The following PTPRC variants were observed in gnomAD, a reference collection of about 807,000 sequenced individuals.
The protein encoded by PTPRC is receptor-type tyrosine-protein phosphatase C.
A neutral mutation model predicts 155.9 loss-of-function variants in PTPRC; 44 were observed. That is an observed-to-expected ratio of 0.28 (90% CI 0.22 to 0.36). The LOEUF (loss-of-function observed/expected upper bound fraction) is 0.36, where lower values mean the gene tolerates loss of function less well. Among genes scored for constraint, PTPRC ranks in the 10% least tolerant of loss-of-function variants. The pLI is 1.00. For synonymous variants in PTPRC, 525 were observed against 533.1 expected (o/e 0.98, Z 0.21); for missense variants, 1,401 against 1,564.6 (o/e 0.90, Z 1.76).
chr1:198,700,287 C>A (rs1053075545), intron 5 of PTPRC: 1 of 158,188 alleles, frequency 6.3e-6, no homozygotes, highest in African/African-American at 2.4e-5. Context: ...TCTTGGTGTC[C>A]TTTTATATGC....
intron 2 of PTPRC, among the ~76,000 whole-genome samples, chr1:198,642,370 G>GTCTGTCTATCTATCTATCTA (rs1553229129): frequency 2.0e-5 from 3 of 150,442 alleles, no homozygotes; most frequent in Non-Finnish European, 4.4e-5. Flanking sequence ...CTATCTATCT[G>GTCTGTCTATCTATCTATCTA]TCTATCTATC....
intron 2 of PTPRC, among the ~76,000 whole-genome samples, chr1:198,686,041 T>C (rs1022858248): frequency 3.3e-5 from 5 of 152,074 alleles, no homozygotes; most frequent in Non-Finnish European, 7.4e-5. Flanking sequence ...AATTGATTCC[T>C]AGTTTTTGCT....
intron 23 of PTPRC, 47 bp from the exon 24 acceptor site, chr1:198,741,822 T>C (rs1244974609): frequency 1.3e-6 from 2 of 1,569,774 alleles, no homozygotes; most frequent in Admixed American, 3.4e-5. Context: ...TGTTTCATAG[T>C]TTGCTTTAAA....
rs184325231 is a variant in PTPRC, at chr1:198,708,965, C to G, written c.1033+704C>G. On this transcript the variant is annotated intron_variant, in intron 10 of 32. Coordinates refer to ENST00000442510, the MANE Select transcript of PTPRC (RefSeq NM_002838.5). ...TACACACATAGAGGATGGAGCATTGCGCTGGGTGTAATCATCACCTAATCA... is the reference window on the plus strand; with the variant it reads ...TACACACATAGAGGATGGAGCATTGGGCTGGGTGTAATCATCACCTAATCA... Among the ~76,000 whole-genome samples the G allele has an allele frequency of 2.1e-3, 321 of 152,272 alleles. 1 individual carries two copies. The highest frequency in any genetic ancestry group is 0.017 in the Middle Eastern group (5 of 294).
intron 17 of PTPRC, 27 bp downstream of exon 17, chr1:198,729,198 C>T: frequency 6.3e-7 from 1 of 1,591,080 alleles, no homozygotes; most frequent in Non-Finnish European, 8.6e-7. Flanking sequence ...TTGCTGATGA[C>T]TATTCCTTCC....
chr1:198,750,438 C>T (rs1303558002), intron 28 of PTPRC, 54 bp from the exon 29 acceptor site: 1 of 1,552,838 alleles, frequency 6.4e-7, no homozygotes, highest in Non-Finnish European at 8.9e-7. Flanking sequence ...CTTTAAGAAT[C>T]TACTGAGCTC....
At chr1:198,703,409 C>T in intron 7 of PTPRC, 37 bp downstream of exon 7, 1 of 1,609,302 alleles carries the variant, frequency 6.2e-7, no homozygotes, top group African/African-American at 1.3e-5. Flanking sequence ...ACACCATCCC[C>T]ATGTGCCTGG....
rs148552110 is a variant in PTPRC, at chr1:198,650,003, T to C, written c.73+10662T>C. Among the ~76,000 whole-genome samples, 24 of 151,912 alleles carry C rather than the reference T, an allele frequency of 1.6e-4. No individual in the cohort carries two copies. The East Asian group carries it at 4.7e-3, about 30-fold the overall frequency. ...GAAGATCCTTATGAAGAAGAATCATTGAGCTACCTGTTGGCTGACAAGAAT... is the reference window on the plus strand; with the variant it reads ...GAAGATCCTTATGAAGAAGAATCATCGAGCTACCTGTTGGCTGACAAGAAT... On this transcript the variant is annotated intron_variant, in intron 2 of 32. Transcript: ENST00000442510.
At chr1:198,648,051 T>C (rs184908769) in intron 2 of PTPRC, among the ~76,000 whole-genome samples, 3 of 152,008 alleles carry the variant, frequency 2.0e-5, no homozygotes, top group African/African-American at 4.8e-5. Flanking sequence ...GTAAAACTTA[T>C]ATTCTTACAA....
intron 2 of PTPRC, among the ~76,000 whole-genome samples, chr1:198,673,542 G>A (rs765364439): frequency 6.6e-6 from 1 of 152,092 alleles, no homozygotes; most frequent in Non-Finnish European, 1.5e-5. Context: ...TCAAATAATG[G>A]TCATTTGAAA....
At chr1:198,753,763 G>T (rs1348513891) in intron 31 of PTPRC, among the ~76,000 whole-genome samples, 5 of 151,942 alleles carry the variant, frequency 3.3e-5, no homozygotes, top group African/African-American at 1.2e-4. Context: ...CCTCTTTTTA[G>T]TGAATAATTC....
At chr1:198,709,572 A>G (rs1029520387) in intron 10 of PTPRC, 115 bp from the exon 11 acceptor site, 31 of 919,370 alleles carry the variant, frequency 3.4e-5, no homozygotes, top group Non-Finnish European at 4.4e-5. Flanking sequence ...TAATTTCCAC[A>G]GATGTTTCAA....
chr1:198,753,470 G>C (rs571510331), intron 31 of PTPRC, among the ~76,000 whole-genome samples: 2 of 151,930 alleles, frequency 1.3e-5, no homozygotes, highest in South Asian at 2.1e-4. Context: ...AGTAAAATGA[G>C]AAATGTTTAT....
chr1:198,695,141 T>C (rs554587034), intron 3 of PTPRC: 1 of 892,602 alleles, frequency 1.1e-6, no homozygotes, highest in Non-Finnish European at 1.3e-6. Context: ...TTAGCTTTGA[T>C]ACTAATGAAT....
intron 2 of PTPRC, among the ~76,000 whole-genome samples, chr1:198,677,967 A>G (rs879587432): frequency 7.2e-5 from 11 of 152,090 alleles, no homozygotes; most frequent in Non-Finnish European, 1.2e-4. Flanking sequence ...GTACAGTTTT[A>G]CATTTTGTTC....
intron 15 of PTPRC, among the ~76,000 whole-genome samples, chr1:198,725,757 G>A (rs539099165): frequency 1.3e-5 from 2 of 152,078 alleles, no homozygotes; most frequent in South Asian, 4.2e-4. Context: ...ATAGACATTT[G>A]ACTTCCATGT....
At chr1:198,732,428 G>A (rs372859782) in intron 19 of PTPRC, 38 bp downstream of exon 19, 59 of 1,597,018 alleles carry the variant, frequency 3.7e-5, no homozygotes, top group Admixed American at 6.7e-5. Context: ...CATATATTAG[G>A]CTACTTGATT....
intron 28 of PTPRC, chr1:198,750,290 T>G: frequency 1.7e-6 from 1 of 596,944 alleles, no homozygotes; most frequent in Non-Finnish European, 2.9e-6. Flanking sequence ...TGATTTCACA[T>G]TATTAGCTAA....
intron 3 of PTPRC, chr1:198,694,441 C>G: frequency 9.4e-7 from 1 of 1,069,466 alleles, no homozygotes; most frequent in Non-Finnish European, 1.1e-6. Context: ...TCAATCCAAT[C>G]AAGTTGACAC....
Sources: gnomAD v4.1 joint callset for allele counts (sites outside exome capture counted in the v4.1 genomes callset) on GRCh38, gnomAD v4.1.1 for gene constraint, MANE v1.5 for transcripts, NCBI Gene and HGNC (gene_info 2026-07-23, HGNC 2026-07-21) for gene names.